The following FBXW7 variants were observed in gnomAD, a reference collection of about 807,000 sequenced individuals.
FBXW7 encodes F-box/WD repeat-containing protein 7.
FBXW7 carries 11 observed loss-of-function variants against 86.3 expected under a neutral mutation model. That is an observed-to-expected ratio of 0.13 (90% CI 0.08 to 0.21). The LOEUF (loss-of-function observed/expected upper bound fraction) is 0.21, where lower values mean the gene tolerates loss of function less well. Among genes scored for constraint, FBXW7 ranks in the 10% least tolerant of loss-of-function variants. FBXW7 has a pLI of 1.00. For missense variants in FBXW7, 488 were observed against 847.4 expected (o/e 0.58, Z 5.27); for synonymous variants, 313 against 297.9 (o/e 1.05, Z -0.52).
rs1282170681 is a variant in FBXW7, at chr4:152,431,216, T to C, written c.-119-18687A>G. ...AGTGTGGATATACCTGAGTTTTAACTGCATTCTGTCAAAAGACAAAATTAC... is the reference window on the plus strand; with the variant it reads ...AGTGTGGATATACCTGAGTTTTAACCGCATTCTGTCAAAAGACAAAATTAC... On this transcript the variant is annotated intron_variant, in intron 2 of 13. Coordinates refer to ENST00000281708, the MANE Select transcript of FBXW7 (RefSeq NM_001349798.2). 2.0e-5 allele frequency among the ~76,000 whole-genome samples: 3 copies of C among 152,220 alleles called. No individual in the cohort carries two copies. The East Asian group carries it at 5.8e-4, about 29-fold the overall frequency.
intron 2 of FBXW7, among the ~76,000 whole-genome samples, chr4:152,434,199 C>T (rs1409827770): frequency 1.3e-5 from 2 of 152,120 alleles, no homozygotes; most frequent in Admixed American, 6.6e-5. Context: ...CAGTAAGTGT[C>T]GTACGGACAG....
intron 2 of FBXW7, among the ~76,000 whole-genome samples, chr4:152,484,224 T>C (rs1745145518): frequency 1.3e-5 from 2 of 152,166 alleles, no homozygotes; most frequent in Non-Finnish European, 2.9e-5. Flanking sequence ...CCAACATCCA[T>C]TCTACATAAA....
intron 2 of FBXW7, among the ~76,000 whole-genome samples, chr4:152,522,258 TA>T (rs1749094579): frequency 6.6e-6 from 1 of 152,142 alleles, no homozygotes; most frequent in African/African-American, 2.4e-5. Flanking sequence ...TAGCTCGTCA[TA>T]AAAAAATTAA....
At chr4:152,517,682 T>C (rs1748622647) in intron 2 of FBXW7, among the ~76,000 whole-genome samples, 1 of 152,222 alleles carries the variant, frequency 6.6e-6, no homozygotes, top group African/African-American at 2.4e-5. Context: ...CATAGAGCTA[T>C]CGTGAGGACT....
chr4:152,527,779 T>TA (rs953080934), intron 2 of FBXW7, among the ~76,000 whole-genome samples: 2 of 151,138 alleles, frequency 1.3e-5, no homozygotes, highest in African/African-American at 2.4e-5. Context: ...ACCCTGTCTC[T>TA]AAAAAAAATA....
intron 3 of FBXW7, among the ~76,000 whole-genome samples, chr4:152,412,190 C>T (rs1296111516): frequency 1.3e-5 from 2 of 152,006 alleles, no homozygotes; most frequent in Non-Finnish European, 2.9e-5. Flanking sequence ...TTTAATTTTA[C>T]ATCAGTAGTT....
At chr4:152,529,208 G>T (rs6816962) in intron 2 of FBXW7, among the ~76,000 whole-genome samples, 57,121 of 151,854 alleles carry the variant, frequency 0.38, 11,424 homozygotes, top group African/African-American at 0.51. Flanking sequence ...TTAGGCTTGG[G>T]ACAATGATAA....
chr4:152,528,226 G>C (rs189683697), intron 2 of FBXW7, among the ~76,000 whole-genome samples: 1 of 152,122 alleles, frequency 6.6e-6, no homozygotes, highest in Non-Finnish European at 1.5e-5. Context: ...CTTACAGCCA[G>C]ATTTCCAGTA....
intron 4 of FBXW7, among the ~76,000 whole-genome samples, chr4:152,374,303 C>A (rs1734280530): frequency 6.6e-6 from 1 of 151,954 alleles, no homozygotes; most frequent in Non-Finnish European, 1.5e-5. Flanking sequence ...TATTTAGGAG[C>A]TACTCTAGAC....
At chr4:152,487,610 A>T (rs985593758) in intron 2 of FBXW7, among the ~76,000 whole-genome samples, 23 of 152,200 alleles carry the variant, frequency 1.5e-4, no homozygotes, top group African/African-American at 5.3e-4. Context: ...CTCTGAGAAG[A>T]GAGGCAAAAG....
intron 2 of FBXW7, among the ~76,000 whole-genome samples, chr4:152,420,605 C>T (rs891681923): frequency 6.6e-6 from 1 of 152,012 alleles, no homozygotes; most frequent in African/African-American, 2.4e-5. Flanking sequence ...CTCCTTGATC[C>T]ACGGGCTACA....
chr4:152,440,442 T>C (rs1380502503), intron 2 of FBXW7, among the ~76,000 whole-genome samples: 1 of 152,184 alleles, frequency 6.6e-6, no homozygotes, highest in Non-Finnish European at 1.5e-5. Flanking sequence ...AGCATTCAAA[T>C]TTCTGTTGAC....
At chr4:152,522,198 C>T (rs540880926) in intron 2 of FBXW7, among the ~76,000 whole-genome samples, 4 of 152,096 alleles carry the variant, frequency 2.6e-5, no homozygotes, top group Non-Finnish European at 5.9e-5. Flanking sequence ...ATACACACTA[C>T]GGCACTCATA....
At chr4:152,515,445 G>A (rs1462891212) in intron 2 of FBXW7, among the ~76,000 whole-genome samples, 1 of 152,002 alleles carries the variant, frequency 6.6e-6, no homozygotes, top group Non-Finnish European at 1.5e-5. Flanking sequence ...TAAAATGGGG[G>A]GAAAAAAGCA....
chr4:152,395,660 G>A (rs933372380), intron 4 of FBXW7, among the ~76,000 whole-genome samples: 4 of 151,982 alleles, frequency 2.6e-5, no homozygotes, highest in Admixed American at 6.6e-5. Context: ...TGCATATGCC[G>A]CACTTCCACT....
chr4:152,418,986 T>C (rs1738700910), intron 2 of FBXW7, among the ~76,000 whole-genome samples: 1 of 152,128 alleles, frequency 6.6e-6, no homozygotes, highest in Non-Finnish European at 1.5e-5. Context: ...ATTTTATGCA[T>C]ATATCAGCCT....
intron 4 of FBXW7, among the ~76,000 whole-genome samples, chr4:152,362,847 A>AAC (rs1553961877): frequency 3.3e-5 from 5 of 151,512 alleles, no homozygotes; most frequent in African/African-American, 4.8e-5. Flanking sequence ...AAAAAAAAAA[A>AAC]AACAACAAGA....
At chr4:152,475,979 A>T (rs925295628) in intron 2 of FBXW7, among the ~76,000 whole-genome samples, 6 of 152,202 alleles carry the variant, frequency 3.9e-5, no homozygotes, top group Admixed American at 3.3e-4. Flanking sequence ...AGCTATCAAC[A>T]AGCTGATTCC....
intron 2 of FBXW7, among the ~76,000 whole-genome samples, chr4:152,442,398 T>G (rs1740975479): frequency 6.6e-6 from 1 of 152,224 alleles, no homozygotes; most frequent in Admixed American, 6.5e-5. Flanking sequence ...CAAGTAACTC[T>G]TCACCACTAC....
Sources: allele counts gnomAD v4.1 joint callset (sites outside exome capture counted in the v4.1 genomes callset), GRCh38; gene constraint gnomAD v4.1.1; transcripts MANE v1.5; gene names NCBI Gene and HGNC (gene_info 2026-07-23, HGNC 2026-07-21).